The following LSR variants were observed in gnomAD, a reference collection of about 807,000 sequenced individuals.
LSR encodes the protein lipolysis stimulated lipoprotein receptor.
LSR carries 44 observed loss-of-function variants against 61.8 expected under a neutral mutation model. That is an observed-to-expected ratio of 0.71 (90% CI 0.56 to 0.91). The LOEUF (loss-of-function observed/expected upper bound fraction) is 0.91. LSR is among the 40% of genes least tolerant of loss of function. The pLI, the probability that LSR is intolerant of heterozygous loss-of-function variation, is 0.00. For missense variants in LSR, 911 were observed against 830.5 expected, an observed-to-expected ratio of 1.10 and a Z score of -1.19; for synonymous variants, 397 against 350.6, an observed-to-expected ratio of 1.13 and a Z score of -1.48.
At position 35,257,927 on chromosome 19, in the gene LSR, A is replaced by AGGGGAG. The variant is rs1191654260; in HGVS notation, c.455-1010_455-1005dup. On this transcript the variant is annotated intron_variant, in intron 2 of 9. Coordinates refer to ENST00000605618, the MANE Select transcript of LSR (RefSeq NM_205834.4). ...GCCTGACCTGGAATGTGGGGATGGA[A>AGGGGAG]GGGGAGGGGGAGGAACCAAGGCACT... Among the ~76,000 whole-genome samples, 3 of 152,082 alleles carry AGGGGAG rather than the reference A, an allele frequency of 2.0e-5. No homozygotes were observed. In the East Asian group the frequency reaches 5.8e-4, roughly 29 times the overall value.
chr19:35,267,743 C>G lies in LSR; in HGVS notation c.1770+9C>G. The G allele has an allele frequency of 1.2e-6, 2 of 1,610,562 alleles. No individual in the cohort carries two copies. The highest frequency in any genetic ancestry group is 8.5e-7 in the Non-Finnish European group (1 of 1,178,900). On this transcript the variant is annotated intron_variant, in intron 9 of 9. Coordinates refer to ENST00000605618, the MANE Select transcript of LSR (RefSeq NM_205834.4). Reference sequence around the variant, plus strand: ...AGCGCAGGCTCAAGAAGGTGAGGGCCGCCCTCCCTGGCGTCCAGACCGTCC... The same window carrying G: ...AGCGCAGGCTCAAGAAGGTGAGGGCGGCCCTCCCTGGCGTCCAGACCGTCC...
intron 3 of LSR, among the ~76,000 whole-genome samples, chr19:35,260,990 T>C (rs1168211512): frequency 6.6e-6 from 1 of 152,242 alleles, no homozygotes. Flanking sequence ...CTTTTGGCCT[T>C]GTGGACAGGA....
At chr19:35,249,215 C>A in intron 1 of LSR, 84 bp downstream of exon 1, 1 of 1,458,828 alleles carries the variant, frequency 6.9e-7, no homozygotes, top group Non-Finnish European at 9.1e-7. Flanking sequence ...CGGCGGGAAG[C>A]GGGAAGCGGG....
intron 3 of LSR, among the ~76,000 whole-genome samples, chr19:35,260,186 C>T (rs1345701215): frequency 6.6e-6 from 1 of 152,106 alleles, no homozygotes; most frequent in Non-Finnish European, 1.5e-5. Flanking sequence ...GGTCTATTTA[C>T]ACTCTAAAAC....
At position 35,250,509 on chromosome 19, in the gene LSR, A is replaced by G; in HGVS notation, c.304A>G (p.Asn102Asp). Reference sequence around the variant, plus strand: ...CCCGGCCAGCGTCGACAACCAGCTCAATGCCCAGCTGGCAGCCGGGAACCC... The same window carrying G: ...CCCGGCCAGCGTCGACAACCAGCTCGATGCCCAGCTGGCAGCCGGGAACCC... Reference protein sequence around the residue: ...FSPASVDNQLNAQLAAGNPGY... With the variant: ...FSPASVDNQLDAQLAAGNPGY... Residue 102 changes from asparagine (N) to aspartate (D), a missense_variant, in exon 2 of 10, where the codon AAT (asparagine) becomes GAT (aspartate). Transcript: ENST00000605618. The G allele has an allele frequency of 5.0e-6, 8 of 1,614,096 alleles. No homozygotes were observed. Among genetic ancestry groups the G allele is most frequent in the Non-Finnish European group, 5.9e-6 (7 of 1,180,000 alleles).
At position 35,267,263 on chromosome 19, in the gene LSR, C is replaced by G. The variant is rs764422060; in HGVS notation, c.1299C>G (p.Gly433=). ...AGGAGCCCGCCAGGGAGCAGGCAGG[C>G]GGGGGCTGGCGGGCCAGGCGGCCCC... ...WDQEPAREQA[G]GGWRARRPRA... is the part of the protein sequence containing the mutation. The change falls in exon 9 of 10, where the codon GGC becomes GGG. Residue 433 remains glycine (G), a synonymous_variant. Coordinates refer to ENST00000605618, the MANE Select transcript of LSR (RefSeq NM_205834.4). 1 of 1,517,214 alleles carries G rather than the reference C, an allele frequency of 6.6e-7. No individual in the cohort carries two copies. The highest frequency in any genetic ancestry group is 1.4e-5 in the African/African-American group (1 of 72,118). The allele number at this position is 1,517,214 out of a possible 1,614,324, so 94.0% of individuals were successfully genotyped here.
intron 5 of LSR, among the ~76,000 whole-genome samples, chr19:35,263,419 G>A (rs534924911): frequency 8.4e-4 from 128 of 152,230 alleles, no homozygotes; most frequent in Middle Eastern, 3.4e-3. Flanking sequence ...AGTGCAGTGC[G>A]ATCATAGCTC....
chr19:35,266,947 C>A lies in LSR; in HGVS notation c.1124C>A (p.Pro375His), dbSNP rs764830985. ...TTCGACCCTTCTCGACCTGGCCCCC[C>A]CAGTGGCCGTGTGGAGCGGGGTAAG... Reference protein sequence around the residue: ...ANFDPSRPGPPSGRVERAMSE... With the variant: ...ANFDPSRPGPHSGRVERAMSE... The change falls in exon 8 of 10, where the codon CCC becomes CAC. Residue 375 changes from proline (P) to histidine (H), a missense_variant. Transcript: ENST00000605618. 10 of 1,613,204 alleles carry A rather than the reference C, an allele frequency of 6.2e-6. No individual in the cohort carries two copies. The highest frequency in any genetic ancestry group is 2.2e-5 in the East Asian group (1 of 44,900).
chr19:35,252,858 T>A (rs1366111797), intron 2 of LSR, among the ~76,000 whole-genome samples: 2 of 150,716 alleles, frequency 1.3e-5, no homozygotes, highest in African/African-American at 4.9e-5. Flanking sequence ...ACAAAAATTT[T>A]AAAAATTTAA....
chr19:35,267,912 C>T lies in LSR; in HGVS notation c.*53C>T, dbSNP rs919666645. The stretch of plus-strand genomic sequence containing the variant: ...TTTTTTTTTTTAATTTGAAGGAACA[C>T]TGATGAAGCCCTGCCATACCCCTCC... On this transcript the variant is annotated 3_prime_UTR_variant, in exon 10 of 10. Transcript: ENST00000605618. The T allele has an allele frequency of 6.3e-7, 1 of 1,579,032 alleles. No homozygotes were observed. The highest frequency in any genetic ancestry group is 8.7e-7 in the Non-Finnish European group (1 of 1,149,500).
intron 2 of LSR, among the ~76,000 whole-genome samples, chr19:35,258,527 T>G (rs908539777): frequency 6.6e-6 from 1 of 150,460 alleles, no homozygotes; most frequent in Non-Finnish European, 1.5e-5. Context: ...ATTGCTTGAG[T>G]CCAGGAGGTT....
rs62112774 is a variant in LSR, at chr19:35,267,842, G to C, written c.1789G>C (p.Glu597Gln). The C allele has an allele frequency of 0.023, 37,688 of 1,613,872 alleles. 573 individuals are homozygous for C. The highest frequency in any genetic ancestry group is 0.027 in the Non-Finnish European group (32,069 of 1,179,886). The stretch of plus-strand genomic sequence containing the variant: ...CTTGCAGAACTTGGCCCTGAGTCGG[G>C]AAAGTTTAGTCGTCTGATCTGACGT... ...RLKKNLALSR[E>Q]SLVV The change falls in exon 10 of 10, where the codon GAA (glutamate) becomes CAA (glutamine). Residue 597 changes from glutamate (E) to glutamine (Q), a missense_variant. By Grantham distance (29) the Glu-to-Gln change is conservative. Coordinates refer to ENST00000605618, the MANE Select transcript of LSR (RefSeq NM_205834.4).
chr19:35,252,285 T>C (rs1490710276), intron 2 of LSR, among the ~76,000 whole-genome samples: 1 of 152,144 alleles, frequency 6.6e-6, no homozygotes, highest in East Asian at 1.9e-4. Context: ...GGCTGAAGTT[T>C]CTGTCGTCAA....
chr19:35,262,542 G>A lies in LSR; in HGVS notation c.632-4G>A. 6.2e-7 allele frequency: 1 copy of A among 1,614,176 alleles called. No individual in the cohort carries two copies. Among genetic ancestry groups the A allele is most frequent in the South Asian group, 1.1e-5 (1 of 91,086 alleles). Reference sequence around the variant, plus strand: ...CGGGCTCAGGGCCTGTTGTCTTTCTGCAGACTGGCTCTTCGTGGTTGTGGT... The same window carrying A: ...CGGGCTCAGGGCCTGTTGTCTTTCTACAGACTGGCTCTTCGTGGTTGTGGT... On this transcript the variant is annotated splice_polypyrimidine_tract_variant and splice_region_variant and intron_variant, in intron 4 of 9. Transcript: ENST00000605618.
rs368364770 is a variant in LSR, at chr19:35,266,822, C to G, written c.1013-14C>G. The G allele has an allele frequency of 5.0e-6, 8 of 1,606,508 alleles. No homozygotes were observed. In the Admixed American group the frequency reaches 1.0e-4, roughly 20 times the overall value. The stretch of plus-strand genomic sequence containing the variant: ...TCCATCCTCCCAAACCGACCACCAC[C>G]CCCCTGTCCCTAGAAGTCCGCAGTG... On this transcript the variant is annotated splice_polypyrimidine_tract_variant and intron_variant, in intron 7 of 9. Coordinates refer to ENST00000605618, the MANE Select transcript of LSR (RefSeq NM_205834.4).
intron 2 of LSR, among the ~76,000 whole-genome samples, chr19:35,255,040 G>A (rs1374203708): frequency 2.0e-5 from 3 of 152,076 alleles, no homozygotes; most frequent in Non-Finnish European, 4.4e-5. Flanking sequence ...GAAGAGGCAC[G>A]GTCAGGGTCT....
intron 4 of LSR, 27 bp from the exon 5 acceptor site, chr19:35,262,519 G>A (rs767424911): frequency 1.2e-6 from 2 of 1,614,002 alleles, no homozygotes. Flanking sequence ...CAGGCCTCCG[G>A]GCTCAGGGCC....
Position 35,250,332 on chromosome 19 carries a change from C to T in LSR, c.127C>T (p.Gln43Ter), listed in dbSNP as rs2145488322. Residue 43 changes from glutamine (Q) to a stop codon, truncating the protein, a stop_gained, in exon 2 of 10, where the codon CAG becomes TAG. Transcript: ENST00000605618. LOFTEE classifies it high-confidence loss of function. ...TWCTAPARAI[Q>*]VTVSNPYHVV... ...GCCCTCAGCTCCTGCCAGGGCCATC[C>T]AGGTGACCGTGTCCAACCCCTACCA... is the stretch of plus-strand genomic sequence containing the variant. The T allele has an allele frequency of 1.9e-6, 3 of 1,553,684 alleles. No homozygotes were observed. The highest frequency in any genetic ancestry group is 2.6e-6 in the Non-Finnish European group (3 of 1,142,622).
intron 3 of LSR, 42 bp from the exon 4 acceptor site, chr19:35,261,883 T>G (rs766782388): frequency 7.3e-7 from 1 of 1,371,618 alleles, no homozygotes; most frequent in Non-Finnish European, 9.6e-7. Flanking sequence ...CAGCCTGGGC[T>G]GGCTCTGGCC....
Sources: gnomAD v4.1 joint callset for allele counts (sites outside exome capture counted in the v4.1 genomes callset) on GRCh38, gnomAD v4.1.1 for gene constraint, MANE v1.5 for transcripts, NCBI Gene and HGNC (gene_info 2026-07-23, HGNC 2026-07-21) for gene names.